Variants in ANKRD36C observed in about 807,000 individuals in gnomAD.
ANKRD36C encodes ankyrin repeat domain 36C.
A neutral mutation model predicts 276.4 loss-of-function variants in ANKRD36C; 61 were observed. The ratio of observed to expected loss-of-function variants is 0.22; its 90% CI spans 0.18 to 0.27. The LOEUF (loss-of-function observed/expected upper bound fraction) is 0.27, where lower values mean the gene tolerates loss of function less well. Among genes scored for constraint, ANKRD36C ranks in the 10% least tolerant of loss-of-function variants. The pLI is 1.00. For missense variants in ANKRD36C, 1,447 were observed against 2,032.3 expected, an observed-to-expected ratio of 0.71 and a Z score of 5.54; for synonymous variants, 483 against 680.1, an observed-to-expected ratio of 0.71 and a Z score of 4.51.
chr2:95,875,783 A>C (rs2104308785), intron 59 of ANKRD36C, among the ~76,000 whole-genome samples: 1 of 152,256 alleles, frequency 6.6e-6, no homozygotes, highest in East Asian at 1.9e-4. Context: ...TTATAGGCTT[A>C]AGTTCTAAGG....
chr2:95,879,497 A>G (rs1436015892), intron 58 of ANKRD36C, among the ~76,000 whole-genome samples: 5 of 151,224 alleles, frequency 3.3e-5, no homozygotes, highest in Non-Finnish European at 3.0e-5. Flanking sequence ...GTGATGGATA[A>G]CCCATTAACC....
chr2:95,980,547 G>A lies in ANKRD36C; in HGVS notation c.731+101C>T, dbSNP rs554124373. The stretch of plus-strand genomic sequence containing the variant: ...AAAATTTGTCACTTGAAAACTACTT[G>A]AATCAAACTATGCAATCTCACCTGA... On this transcript the variant is annotated intron_variant, in intron 5 of 66. Transcript: ENST00000456556. 3.9e-3 allele frequency: 5,497 copies of A among 1,415,644 alleles called. 18 individuals carry two copies. The highest frequency in any genetic ancestry group is 4.8e-3 in the Non-Finnish European group (5,127 of 1,071,196). 87.7% of individuals were successfully genotyped at this position (1,415,644 alleles called of 1,614,324 possible). A position where few individuals can be genotyped will look rare whatever the true frequency, so the allele number is the denominator to read the frequency against.
intron 5 of ANKRD36C, among the ~76,000 whole-genome samples, chr2:95,980,288 T>A (rs1678890972): frequency 6.6e-6 from 1 of 152,090 alleles, no homozygotes; most frequent in East Asian, 1.9e-4. Flanking sequence ...GGTTTTTTGA[T>A]AAACTGGACA....
At chr2:95,985,191 GCAAAGAAAAGGTGTTATTCT>G (rs1487363697) in intron 3 of ANKRD36C, among the ~76,000 whole-genome samples, 2 of 152,118 alleles carry the variant, frequency 1.3e-5, no homozygotes, top group Non-Finnish European at 2.9e-5. Context: ...AGTGATGGTG[GCAAAGAAAAGGTGTTATTCT>G]CATGCTGATA....
chr2:95,978,360 T>A (rs937551992), intron 5 of ANKRD36C, among the ~76,000 whole-genome samples, 171 bp from the exon 6 acceptor site: 8 of 152,048 alleles, frequency 5.3e-5, no homozygotes, highest in Non-Finnish European at 2.9e-5. Context: ...TAAATAATAA[T>A]AACAGGTGAA....
intron 59 of ANKRD36C, among the ~76,000 whole-genome samples, chr2:95,873,291 C>T (rs1675859132): frequency 6.6e-6 from 1 of 152,132 alleles, no homozygotes; most frequent in African/African-American, 2.4e-5. Flanking sequence ...AAACCAAATC[C>T]AGCAGCACAT....
At chr2:95,943,229 A>G (rs1677942957) in intron 19 of ANKRD36C, among the ~76,000 whole-genome samples, 1 of 152,312 alleles carries the variant, frequency 6.6e-6, no homozygotes, top group Non-Finnish European at 1.5e-5. Flanking sequence ...CACGCCTGTA[A>G]TCCCAGCACT....
intron 64 of ANKRD36C, 87 bp from the exon 85 acceptor site, chr2:95,852,283 A>C (rs545260495): frequency 2.4e-5 from 21 of 891,888 alleles, no homozygotes; most frequent in Non-Finnish European, 3.5e-5. Context: ...TGTATATAAA[A>C]TATTTTAGAC....
At chr2:95,925,526 G>T in exon 29 of ANKRD36C, 1 of 1,550,456 alleles carries the variant, frequency 6.4e-7, no homozygotes, top group Non-Finnish European at 8.7e-7. Context: ...TACCTTCCAG[G>T]CTGATTGTTT....
intron 42 of ANKRD36C, among the ~76,000 whole-genome samples, chr2:95,911,612 T>C (rs1023146436): frequency 6.6e-6 from 1 of 151,480 alleles, no homozygotes; most frequent in Non-Finnish European, 1.5e-5. Context: ...CATTGAGTTT[T>C]TATGCCAATT....
At chr2:95,957,550 T>C (rs1176223161) in intron 12 of ANKRD36C, among the ~76,000 whole-genome samples, 12 of 152,292 alleles carry the variant, frequency 7.9e-5, no homozygotes. Context: ...CAGAAACTTT[T>C]GTCAGTAACT....
In ANKRD36C at chr2:95,859,190, A is replaced by G. The variant is rs1918817; in HGVS notation, c.3896+671T>C. ...CTGGGATTACAGGTGCAACCACCAC[A>G]CCTGGCTAATTTTTTGTATTTTTAG... On this transcript the variant is annotated intron_variant, in intron 61 of 66. Transcript: ENST00000456556. Among the ~76,000 whole-genome samples the G allele has an allele frequency of 1.8e-3, 277 of 151,844 alleles. 2 individuals are homozygous for G. In the East Asian group the frequency reaches 0.033, roughly 18 times the overall value.
chr2:95,853,904 T>G, intron 63 of ANKRD36C, 43 bp from the exon 84 acceptor site: 1 of 1,573,582 alleles, frequency 6.4e-7, no homozygotes, highest in South Asian at 1.2e-5. Context: ...CAAATCACCT[T>G]ATTATTAAAC....
At position 95,893,483 on chromosome 2, in the gene ANKRD36C, T is replaced by G. The variant is rs1481842747; in HGVS notation, c.2756-1623A>C. 3.3e-6 allele frequency: 5 copies of G among 1,532,716 alleles called. No homozygotes were observed. In the Admixed American group the frequency reaches 5.9e-5, roughly 18 times the overall value. 94.9% of individuals were successfully genotyped at this position (1,532,716 alleles called of 1,614,324 possible). A position where few individuals can be genotyped will look rare whatever the true frequency, so the allele number is the denominator to read the frequency against. ...CGCTGATTTATTTGGGGAAGGGAAC[T>G]TCTTATCTATCTGGACTGAACATGA... On this transcript the variant is annotated intron_variant, in intron 44 of 66. Transcript: ENST00000456556.
chr2:95,958,484 G>T, intron 12 of ANKRD36C, 107 bp downstream of exon 12: 3 of 1,406,132 alleles, frequency 2.1e-6, no homozygotes, highest in Non-Finnish European at 2.9e-6. Context: ...CAGGCCCGCT[G>T]AATCAGAATG....
intron 60 of ANKRD36C, among the ~76,000 whole-genome samples, chr2:95,861,873 T>C (rs1418581335): frequency 6.6e-6 from 1 of 151,926 alleles, no homozygotes; most frequent in Non-Finnish European, 1.5e-5. Flanking sequence ...AAGACACAAA[T>C]TGGTTGTAAG....
rs549627540 is a variant in ANKRD36C, at chr2:95,919,484, G to T, written c.2246-1442C>A. 1.3e-3 allele frequency among the ~76,000 whole-genome samples: 168 copies of T among 132,938 alleles called. 20 individuals are homozygous for T. The highest frequency in any genetic ancestry group is 3.8e-3 in the African/African-American group (149 of 39,016). 87.2% of individuals were successfully genotyped at this position (132,938 alleles called of 152,430 possible). The stretch of plus-strand genomic sequence containing the variant: ...CCCAGAACCCCTTATGTCTTGAACT[G>T]CTCTCCCTATTTCTTCTTCCCAATT... On this transcript the variant is annotated intron_variant, in intron 34 of 66. Transcript: ENST00000456556.
chr2:95,929,399 A>G (rs967927432), intron 24 of ANKRD36C, 132 bp from the exon 25 acceptor site: 2 of 650,906 alleles, frequency 3.1e-6, no homozygotes, highest in Non-Finnish European at 5.2e-6. Context: ...TTGATATTTT[A>G]TACTTTGTTT....
intron 48 of ANKRD36C, 45 bp downstream of exon 68, chr2:95,889,754 T>C (rs1330679141): frequency 1.4e-5 from 21 of 1,547,216 alleles, no homozygotes; most frequent in Non-Finnish European, 1.8e-5. Flanking sequence ...AGAAGATCTC[T>C]TCTATCTTGA....
Sources: allele counts gnomAD v4.1 joint callset (sites outside exome capture counted in the v4.1 genomes callset), GRCh38; gene constraint gnomAD v4.1.1; transcripts MANE v1.5; gene names NCBI Gene and HGNC (gene_info 2026-07-23, HGNC 2026-07-21).